The following FOXO3 variants were observed in gnomAD, a reference collection of about 807,000 sequenced individuals.
FOXO3 encodes the protein forkhead box O3, also known as forkhead box protein O3.
A neutral mutation model predicts 41.9 loss-of-function variants in FOXO3; 4 were observed. The ratio of observed to expected loss-of-function variants is 0.10; its 90% CI spans 0.05 to 0.22. The LOEUF (loss-of-function observed/expected upper bound fraction) is 0.22, where lower values mean the gene tolerates loss of function less well. FOXO3 is among the 10% of genes least tolerant of loss of function. The probability of loss-of-function intolerance (pLI) is 1.00; values close to 1 mark genes in which losing one functional copy is unlikely to be tolerated. For synonymous variants in FOXO3, 318 were observed against 389.3 expected (o/e 0.82, Z 2.16); for missense variants, 534 against 906.8 (o/e 0.59, Z 5.28).
At chr6:108,645,415 C>G (rs1778367607) in intron 1 of FOXO3, among the ~76,000 whole-genome samples, 1 of 150,568 alleles carries the variant, frequency 6.6e-6, no homozygotes, top group African/African-American at 2.4e-5. Context: ...TTCGAGCCTT[C>G]TTTCCCATGA....
At chr6:108,565,478 C>T (rs1273793620) in intron 1 of FOXO3, among the ~76,000 whole-genome samples, 7 of 152,172 alleles carry the variant, frequency 4.6e-5, no homozygotes, top group Admixed American at 2.0e-4. Context: ...CCTCTAAGGA[C>T]GCCAGGGCTT....
intron 1 of FOXO3, among the ~76,000 whole-genome samples, chr6:108,584,464 ATTGCAGGT>A (rs756377425): frequency 1.6e-4 from 24 of 152,168 alleles, no homozygotes; most frequent in Non-Finnish European, 2.9e-4. Flanking sequence ...TGCATGATGG[ATTGCAGGT>A]TTCAGGGAGG....
chr6:108,666,336 T>C (rs1455717703), intron 2 of FOXO3, among the ~76,000 whole-genome samples: 1 of 150,544 alleles, frequency 6.6e-6, no homozygotes, highest in Non-Finnish European at 1.5e-5. Flanking sequence ...TTTTTTCTTT[T>C]TCTTTTTCTT....
rs189610839 is a variant in FOXO3, at chr6:108,601,360, A to G, written c.621+39531A>G. ...GCTCTGTTGCCTAGGCTGGAGTGCA[A>G]TGGCACAATCTCGGCTCACTGCAGC... On this transcript the variant is annotated intron_variant, in intron 1 of 2. Transcript: ENST00000406360. Among the ~76,000 whole-genome samples, 477 of 151,170 alleles carry G rather than the reference A, an allele frequency of 3.2e-3. 2 individuals carry two copies. The highest frequency in any genetic ancestry group is 0.011 in the African/African-American group (459 of 41,114).
intron 1 of FOXO3, among the ~76,000 whole-genome samples, chr6:108,597,104 C>A (rs776529529): frequency 6.6e-6 from 1 of 152,118 alleles, no homozygotes; most frequent in African/African-American, 2.4e-5. Context: ...CAGAACTTGG[C>A]CATACAGTTG....
chr6:108,577,971 T>G (rs2128359172), intron 1 of FOXO3, among the ~76,000 whole-genome samples: 1 of 152,328 alleles, frequency 6.6e-6, no homozygotes, highest in South Asian at 2.1e-4. Flanking sequence ...CTAGTTAAGT[T>G]ATTTTGAAGT....
intron 2 of FOXO3, among the ~76,000 whole-genome samples, chr6:108,674,205 G>T (rs998643924): frequency 6.6e-6 from 1 of 152,176 alleles, no homozygotes; most frequent in Non-Finnish European, 1.5e-5. Context: ...CTAACTCTTG[G>T]CAAATATGAG....
At chr6:108,560,838 C>G (rs1197961296), upstream of FOXO3, 2 of 563,914 alleles carry the variant, frequency 3.5e-6, no homozygotes, top group Non-Finnish European at 5.2e-6. Flanking sequence ...GGACCTGCGG[C>G]TGGGCGGCGG....
intron 1 of FOXO3, chr6:108,618,259 T>A: frequency 3.9e-6 from 3 of 766,372 alleles, no homozygotes; most frequent in Non-Finnish European, 7.1e-6. Flanking sequence ...TAGTCTTGAC[T>A]CCTTCCTGGG....
At position 108,680,104 on chromosome 6, in the gene FOXO3, C is replaced by G. The variant is rs1441150630; in HGVS notation, c.*312C>G. On this transcript the variant is annotated 3_prime_UTR_variant, in exon 3 of 3. Transcript: ENST00000406360. ...ACCACCCACCCTCATTCAGAGCACA[C>G]CGTGAGCCCCCGTCGGCCATTCTGT... 1.3e-5 allele frequency: 2 copies of G among 152,754 alleles called. No homozygotes were observed. The highest frequency in any genetic ancestry group is 1.9e-4 in the East Asian group (1 of 5,184). 9.5% of individuals were successfully genotyped at this position (152,754 alleles called of 1,614,324 possible).
chr6:108,616,156 GTTTTTTTT>G (rs35632295), intron 1 of FOXO3, among the ~76,000 whole-genome samples: 1 of 55,124 alleles, frequency 1.8e-5, no homozygotes, highest in Non-Finnish European at 3.4e-5. Flanking sequence ...CCCAACTAAG[GTTTTTTTT>G]TTTTTTTTTT....
At chr6:108,657,566 G>A (rs1778723322) in intron 1 of FOXO3, among the ~76,000 whole-genome samples, 1 of 152,162 alleles carries the variant, frequency 6.6e-6, no homozygotes, top group Non-Finnish European at 1.5e-5. Context: ...GATGTGATTA[G>A]AAAAATCATT....
rs1052136467 is a variant in FOXO3, at chr6:108,576,509, C to T, written c.621+14680C>T. Among the ~76,000 whole-genome samples, 5 of 152,304 alleles carry T rather than the reference C, an allele frequency of 3.3e-5. No individual in the cohort carries two copies. The East Asian group carries it at 5.8e-4, about 18-fold the overall frequency. On this transcript the variant is annotated intron_variant, in intron 1 of 2. Transcript: ENST00000406360. ...CCATGTGTTAAATTAGGAAAGGTAA[C>T]GTGCTGCTAGTGAAAACTGTGTCTT...
chr6:108,633,671 T>C (rs1437422420), intron 1 of FOXO3, among the ~76,000 whole-genome samples: 1 of 152,164 alleles, frequency 6.6e-6, no homozygotes, highest in Non-Finnish European at 1.5e-5. Context: ...TAGCACATTC[T>C]CAAGATGAAG....
intron 1 of FOXO3, among the ~76,000 whole-genome samples, chr6:108,650,067 A>G (rs1366118881): frequency 1.3e-5 from 2 of 152,194 alleles, no homozygotes; most frequent in African/African-American, 4.8e-5. Context: ...AAAGGGCTGG[A>G]AATTTCAGGA....
intron 1 of FOXO3, among the ~76,000 whole-genome samples, chr6:108,600,824 CT>C (rs1777031579): frequency 6.6e-6 from 1 of 152,098 alleles, no homozygotes; most frequent in Admixed American, 6.5e-5. Flanking sequence ...TCATCAATGA[CT>C]TCAAACATCT....
At chr6:108,676,586 A>G (rs965331378) in intron 2 of FOXO3, among the ~76,000 whole-genome samples, 5 of 152,204 alleles carry the variant, frequency 3.3e-5, no homozygotes, top group African/African-American at 4.8e-5. Context: ...CGACACATAC[A>G]CATAAATCTC....
chr6:108,654,943 T>G (rs1195632328), intron 1 of FOXO3, among the ~76,000 whole-genome samples: 2 of 152,210 alleles, frequency 1.3e-5, no homozygotes, highest in Non-Finnish European at 2.9e-5. Context: ...GATACATTTT[T>G]ATGCTGTCAT....
At chr6:108,619,509 G>A (rs933269528) in intron 1 of FOXO3, among the ~76,000 whole-genome samples, 10 of 152,264 alleles carry the variant, frequency 6.6e-5, no homozygotes, top group Middle Eastern at 3.4e-3. Context: ...GTTACAGGTT[G>A]GATTCTTGGA....
Sources: allele counts gnomAD v4.1 joint callset (sites outside exome capture counted in the v4.1 genomes callset), GRCh38; gene constraint gnomAD v4.1.1; transcripts MANE v1.5; gene names NCBI Gene and HGNC (gene_info 2026-07-23, HGNC 2026-07-21).